The following DLC1 variants were observed in gnomAD, a reference collection of about 807,000 sequenced individuals.
The protein encoded by DLC1 is rho GTPase-activating protein 7.
DLC1 carries 54 observed loss-of-function variants against 140.3 expected under a neutral mutation model. The ratio of observed to expected loss-of-function variants is 0.38; its 90% CI spans 0.31 to 0.48. DLC1 has a LOEUF of 0.48. Among genes scored for constraint, DLC1 ranks in the 20% least tolerant of loss-of-function variants. The pLI is 0.96. For synonymous variants in DLC1, 986 were observed against 728.1 expected, an observed-to-expected ratio of 1.35 and a Z score of -5.70; for missense variants, 2,536 against 1,907.0, an observed-to-expected ratio of 1.33 and a Z score of -6.14.
At position 13,545,250 on chromosome 8, in the gene DLC1, A is replaced by G. The variant is rs116339017; in HGVS notation, c.-125-45054T>C. 3.2e-3 allele frequency among the ~76,000 whole-genome samples: 488 copies of G among 151,706 alleles called. 3 individuals carry two copies. Among genetic ancestry groups the G allele is most frequent in the African/African-American group, 0.011 (465 of 41,452 alleles). On this transcript the variant is annotated intron_variant, in intron 1 of 1. Transcript: ENST00000631382. ...GATATCCTGCTCAAATTAGAGCATA[A>G]TATTTTATGGAAAGGTAATAGGGAG... is the stretch of plus-strand genomic sequence containing the variant.
At chr8:13,239,327 C>T (rs1055896484) in intron 5 of DLC1, among the ~76,000 whole-genome samples, 1 of 151,824 alleles carries the variant, frequency 6.6e-6, no homozygotes, top group Non-Finnish European at 1.5e-5. Flanking sequence ...CTGTGTAGGT[C>T]AAAACACAAA....
chr8:13,581,797 C>T (rs566704594), intron 1 of DLC1, among the ~76,000 whole-genome samples: 5 of 152,320 alleles, frequency 3.3e-5, no homozygotes, highest in African/African-American at 4.8e-5. Context: ...GTGATTTGTC[C>T]TCTGCCTTCT....
At chr8:13,217,708 G>A (rs960102490) in intron 5 of DLC1, among the ~76,000 whole-genome samples, 2 of 151,822 alleles carry the variant, frequency 1.3e-5, no homozygotes, top group African/African-American at 4.8e-5. Context: ...CGTGGTGGTG[G>A]GCACCTGTAG....
At chr8:13,240,968 G>C (rs1038213254) in intron 5 of DLC1, among the ~76,000 whole-genome samples, 3 of 152,166 alleles carry the variant, frequency 2.0e-5, no homozygotes, top group Non-Finnish European at 2.9e-5. Flanking sequence ...AAGAAGGAGA[G>C]AGCAAGGAAG....
chr8:13,395,024 A>ATCTATCTATCTG (rs1836962756), intron 3 of DLC1, among the ~76,000 whole-genome samples: 1 of 87,872 alleles, frequency 1.1e-5, no homozygotes, highest in Non-Finnish European at 2.1e-5. Context: ...CTATCTATCT[A>ATCTATCTATCTG]TCTATCTATC....
intron 5 of DLC1, among the ~76,000 whole-genome samples, chr8:13,249,983 C>T (rs1047773270): frequency 9.2e-5 from 14 of 152,130 alleles, no homozygotes; most frequent in Admixed American, 8.5e-4. Flanking sequence ...GGGCCTCTCC[C>T]TTGAAGTGCT....
chr8:13,408,487 T>C (rs912625066), intron 2 of DLC1, among the ~76,000 whole-genome samples: 1 of 152,232 alleles, frequency 6.6e-6, no homozygotes, highest in African/African-American at 2.4e-5. Context: ...AGAACTTTTG[T>C]AACTTCCATA....
At position 13,115,770 on chromosome 8, in the gene DLC1, T is replaced by A. The variant is rs182143157; in HGVS notation, c.1349-113A>T. On this transcript the variant is annotated intron_variant, in intron 5 of 17. Transcript: ENST00000276297. ...AGCAAAACATGACTGCCATAGAAAATACAGATAAGCAAACAGACATACACG... is the reference window on the plus strand; with the variant it reads ...AGCAAAACATGACTGCCATAGAAAAAACAGATAAGCAAACAGACATACACG... The A allele has an allele frequency of 8.4e-3, 8,120 of 962,394 alleles. 442 individuals carry two copies. The African/African-American group carries it at 0.12, about 14-fold the overall frequency. The allele number at this position is 962,394 out of a possible 1,614,324, so 59.6% of individuals were successfully genotyped here. A position where few individuals can be genotyped will look rare whatever the true frequency, so the allele number is the denominator to read the frequency against.
At chr8:13,436,348 C>G (rs976119487) in intron 2 of DLC1, among the ~76,000 whole-genome samples, 1 of 152,188 alleles carries the variant, frequency 6.6e-6, no homozygotes, top group African/African-American at 2.4e-5. Flanking sequence ...AGGTTTTACA[C>G]TTTTCTCGAA....
chr8:13,124,681 G>A (rs1821404586), intron 5 of DLC1, among the ~76,000 whole-genome samples: 1 of 152,140 alleles, frequency 6.6e-6, no homozygotes, highest in African/African-American at 2.4e-5. Flanking sequence ...GAATTTCTCT[G>A]GCCCTGTTGC....
chr8:13,137,995 T>C (rs1822697594), intron 5 of DLC1, among the ~76,000 whole-genome samples: 1 of 152,166 alleles, frequency 6.6e-6, no homozygotes, highest in Admixed American at 6.5e-5. Context: ...GAAAGAAAGA[T>C]TACGTAGTTA....
At chr8:13,114,673 A>C (rs1411219998) in intron 6 of DLC1, among the ~76,000 whole-genome samples, 1 of 152,202 alleles carries the variant, frequency 6.6e-6, no homozygotes, top group East Asian at 1.9e-4. Context: ...AAAGATTAGT[A>C]TTTAGAATAA....
intron 4 of DLC1, among the ~76,000 whole-genome samples, chr8:13,312,969 T>A (rs905185239): frequency 2.0e-4 from 30 of 152,314 alleles, no homozygotes; most frequent in Admixed American, 1.0e-3. Context: ...TGTTGGATGA[T>A]GTCAACTAGC....
intron 5 of DLC1, among the ~76,000 whole-genome samples, chr8:13,275,856 C>T (rs962425703): frequency 1.3e-5 from 2 of 152,192 alleles, no homozygotes; most frequent in Non-Finnish European, 2.9e-5. Flanking sequence ...CGCCAGGGCA[C>T]CTCACACCTG....
At chr8:13,496,321 A>G (rs1801497504) in intron 2 of DLC1, among the ~76,000 whole-genome samples, 2 of 152,188 alleles carry the variant, frequency 1.3e-5, no homozygotes, top group African/African-American at 2.4e-5. Context: ...GTTTTGTGCC[A>G]TGCAGAAAAT....
At chr8:13,170,564 A>C (rs559697931) in intron 5 of DLC1, among the ~76,000 whole-genome samples, 1 of 152,126 alleles carries the variant, frequency 6.6e-6, no homozygotes, top group African/African-American at 2.4e-5. Flanking sequence ...CCCCGTCCCT[A>C]CTAAAAATAC....
At chr8:13,550,051 C>T (rs1803792323) in intron 1 of DLC1, among the ~76,000 whole-genome samples, 1 of 152,096 alleles carries the variant, frequency 6.6e-6, no homozygotes, top group East Asian at 1.9e-4. Flanking sequence ...GTCTGAGAAA[C>T]AGGCAACTAT....
At chr8:13,412,748 C>G (rs1363584451) in intron 2 of DLC1, among the ~76,000 whole-genome samples, 1 of 151,746 alleles carries the variant, frequency 6.6e-6, no homozygotes, top group East Asian at 1.9e-4. Flanking sequence ...CTGGCTAACA[C>G]GGTGAAACCC....
chr8:13,593,477 T>C (rs1373671206), intron 1 of DLC1, among the ~76,000 whole-genome samples: 2 of 152,112 alleles, frequency 1.3e-5, no homozygotes, highest in Non-Finnish European at 2.9e-5. Context: ...ATCTTAAGAT[T>C]CAATTCACGC....
Sources: gnomAD v4.1 joint callset for allele counts (sites outside exome capture counted in the v4.1 genomes callset) on GRCh38, gnomAD v4.1.1 for gene constraint, MANE v1.5 for transcripts, NCBI Gene and HGNC (gene_info 2026-07-23, HGNC 2026-07-21) for gene names.